CRELD1: variants seen among roughly 807,000 people sequenced by gnomAD.
CRELD1 encodes the protein protein disulfide isomerase CRELD1.
CRELD1 carries 42 observed loss-of-function variants against 58.2 expected under a neutral mutation model. The observed-to-expected ratio is 0.72, with a 90% CI of 0.56 to 0.93. The LOEUF (loss-of-function observed/expected upper bound fraction) is 0.93, where lower values mean the gene tolerates loss of function less well. Ranked by LOEUF, CRELD1 falls within the 40% of genes least tolerant of loss-of-function variation. The pLI is 0.00. For synonymous variants in CRELD1, 222 were observed against 202.0 expected, an observed-to-expected ratio of 1.10 and a Z score of -0.84; for missense variants, 500 against 540.6, an observed-to-expected ratio of 0.92 and a Z score of 0.74.
At chr3:9,938,135 G>C in intron 5 of CRELD1, 29 bp downstream of exon 5, 1 of 1,542,046 alleles carries the variant, frequency 6.5e-7, no homozygotes, top group Non-Finnish European at 8.9e-7. Context: ...CTTGGGGATG[G>C]GAGGGGACCA....
chr3:9,943,304 T>C, intron 9 of CRELD1, 77 bp from the exon 10 acceptor site: 1 of 1,604,550 alleles, frequency 6.2e-7, no homozygotes, highest in Non-Finnish European at 8.5e-7. Context: ...GAGGGGAGTG[T>C]TGAGAGATGG....
At chr3:9,940,705 G>GGGGAGA (rs1364895727) in intron 5 of CRELD1, 145 bp from the exon 6 acceptor site, 8 of 631,132 alleles carry the variant, frequency 1.3e-5, no homozygotes, top group Admixed American at 4.3e-5. Flanking sequence ...GGGAGGCCAT[G>GGGGAGA]GGGAGAGGGA....
rs2085250026 is a variant in CRELD1, at chr3:9,938,208, G to C, written c.460+102G>C. The C allele has an allele frequency of 3.3e-6, 3 of 896,678 alleles. No individual in the cohort carries two copies. In the Admixed American group the frequency reaches 5.8e-5, roughly 17 times the overall value. The allele number at this position is 896,678 out of a possible 1,614,324, so 55.5% of individuals were successfully genotyped here. A position where few individuals can be genotyped will look rare whatever the true frequency, so the allele number is the denominator to read the frequency against. On this transcript the variant is annotated intron_variant, in intron 5 of 10. Transcript: ENST00000452070. ...TCGCTGTGTGAACTCAGGCTACTCA[G>C]ATAAACTTCTCTGGACCTCAGTTCT...
Position 9,934,452 on chromosome 3 carries a change from C to G in CRELD1, c.14C>G (p.Pro5Arg). Residue 5 changes from proline (P) to arginine (R), a missense_variant, in exon 2 of 11, where the codon CCC becomes CGC. Coordinates refer to ENST00000452070, the MANE Select transcript of CRELD1 (RefSeq NM_001077415.3). MAPW[P>R]PKGLVPAMLW... ...GCCTGGGTAAAGATGGCCCCATGGCCCCCGAAGGGCCTAGTCCCAGCTATG... is the reference window on the plus strand; with the variant it reads ...GCCTGGGTAAAGATGGCCCCATGGCGCCCGAAGGGCCTAGTCCCAGCTATG... 1 of 1,613,878 alleles carries G rather than the reference C, an allele frequency of 6.2e-7. No individual in the cohort carries two copies. Among genetic ancestry groups the G allele is most frequent in the Non-Finnish European group, 8.5e-7 (1 of 1,179,900 alleles).
chr3:9,943,994 A>T, intron 10 of CRELD1: 2 of 998,322 alleles, frequency 2.0e-6, no homozygotes, highest in Non-Finnish European at 3.2e-6. Flanking sequence ...AAAAATGAAG[A>T]TGCAGAGAGA....
At chr3:9,934,146 C>G in intron 1 of CRELD1, 1 of 496,328 alleles carries the variant, frequency 2.0e-6, no homozygotes, top group South Asian at 2.2e-5. Flanking sequence ...TTTATCAGAC[C>G]CTCAGACAAG....
intron 8 of CRELD1, 30 bp from the exon 9 acceptor site, chr3:9,943,047 C>T (rs1187426432): frequency 2.5e-6 from 4 of 1,605,228 alleles, no homozygotes; most frequent in Non-Finnish European, 2.6e-6. Context: ...AGGTGCACAT[C>T]TCACCCTCAT....
rs757210114 is a variant in CRELD1 at position 9,940,942 on chromosome 3, G to C, written c.553G>C (p.Ala185Pro). 3.1e-6 allele frequency: 5 copies of C among 1,614,176 alleles called. No individual in the cohort carries two copies. The highest frequency in any genetic ancestry group is 4.2e-6 in the Non-Finnish European group (5 of 1,180,036). Residue 185 changes from alanine to proline, a missense_variant, in exon 6 of 11, where the codon GCC (alanine) becomes CCC (proline). Ala to Pro is a conservative substitution (Grantham distance 27). Coordinates refer to ENST00000452070, the MANE Select transcript of CRELD1 (RefSeq NM_001077415.3). ...RGGSGHCDCQ[A>P]GYGGEACGQC... Reference sequence around the variant, plus strand: ...GGGCAGCGGGCACTGTGACTGCCAAGCCGGCTACGGGGGTGAGGCCTGTGG... The same window carrying C: ...GGGCAGCGGGCACTGTGACTGCCAACCCGGCTACGGGGGTGAGGCCTGTGG...
At chr3:9,943,260 G>A (rs773044321) in intron 9 of CRELD1, 88 bp downstream of exon 9, 993 of 1,592,462 alleles carry the variant, frequency 6.2e-4, no homozygotes, top group Non-Finnish European at 8.4e-4. Context: ...GCAGGTGGGG[G>A]AAGGAAGGGT....
Position 9,940,942 on chromosome 3 carries a change from G to T in CRELD1, c.553G>T (p.Ala185Ser). 1 of 1,614,176 alleles carries T rather than the reference G, an allele frequency of 6.2e-7. No individual in the cohort carries two copies. The highest frequency in any genetic ancestry group is 8.5e-7 in the Non-Finnish European group (1 of 1,180,036). The change falls in exon 6 of 11, where the codon GCC (alanine) becomes TCC (serine). Residue 185 changes from alanine to serine, a missense_variant. By Grantham distance (99) the Ala-to-Ser change is moderately conservative. Transcript: ENST00000452070. ...RGGSGHCDCQ[A>S]GYGGEACGQC... is the part of the protein sequence containing the mutation. ...GGGCAGCGGGCACTGTGACTGCCAA[G>T]CCGGCTACGGGGGTGAGGCCTGTGG... is the stretch of plus-strand genomic sequence containing the variant.
chr3:9,941,235 A>G lies in CRELD1; in HGVS notation c.733+29A>G, dbSNP rs556597395. On this transcript the variant is annotated intron_variant, in intron 7 of 10. Coordinates refer to ENST00000452070, the MANE Select transcript of CRELD1 (RefSeq NM_001077415.3). ...AGTGGGGCCCTAGCTAGGTCTGGGAAGATGGTCAGGGGCCTGGGCTTGGTC... is the reference window on the plus strand; with the variant it reads ...AGTGGGGCCCTAGCTAGGTCTGGGAGGATGGTCAGGGGCCTGGGCTTGGTC... 8.8e-5 allele frequency: 141 copies of G among 1,595,348 alleles called. 2 individuals are homozygous for G. In the South Asian group the frequency reaches 1.1e-3, roughly 12 times the overall value.
chr3:9,935,502 A>G (rs545415495), intron 3 of CRELD1, among the ~76,000 whole-genome samples: 41 of 152,300 alleles, frequency 2.7e-4, no homozygotes, highest in African/African-American at 9.6e-4. Context: ...ACGGATTGTA[A>G]GGGGCAAGGG....
intron 7 of CRELD1, 23 bp downstream of exon 7, chr3:9,941,229 C>G: frequency 6.2e-7 from 1 of 1,601,310 alleles, no homozygotes; most frequent in South Asian, 1.1e-5. Context: ...CTAGCTAGGT[C>G]TGGGAAGATG....
chr3:9,943,670 T>A (rs2085434723), intron 10 of CRELD1, 155 bp downstream of exon 10: 1 of 985,214 alleles, frequency 1.0e-6, no homozygotes, highest in Non-Finnish European at 1.2e-6. Flanking sequence ...ACATCTGATC[T>A]CCAGGTTGGC....
Position 9,933,879 on chromosome 3 carries a change from G to C in CRELD1, c.-61G>C, listed in dbSNP as rs1332342672. ...TGAGGAGACGGCCCACGGCGCCCGCGGGCTGGGGCGGTCGCTTCTTCCTTC... is the reference window on the plus strand; with the variant it reads ...TGAGGAGACGGCCCACGGCGCCCGCCGGCTGGGGCGGTCGCTTCTTCCTTC... On this transcript the variant is annotated 5_prime_UTR_variant, in exon 1 of 11. Transcript: ENST00000452070. The C allele has an allele frequency of 4.2e-6, 2 of 474,898 alleles. No homozygotes were observed. Among genetic ancestry groups the C allele is most frequent in the Middle Eastern group, 5.7e-4 (1 of 1,760 alleles). The allele number at this position is 474,898 out of a possible 1,614,324, so 29.4% of individuals were successfully genotyped here. A position where few individuals can be genotyped will look rare whatever the true frequency, so the allele number is the denominator to read the frequency against.
chr3:9,940,698 AGGCC>A, intron 5 of CRELD1, 148 bp from the exon 6 acceptor site: 1 of 525,930 alleles, frequency 1.9e-6, no homozygotes, highest in South Asian at 1.9e-5. Flanking sequence ...AGGGAGAGGG[AGGCC>A]ATGGGGAGAG....
chr3:9,943,342 G>C (rs2085422424), intron 9 of CRELD1, 39 bp from the exon 10 acceptor site: 1 of 1,613,738 alleles, frequency 6.2e-7, no homozygotes, highest in Admixed American at 1.7e-5. Context: ...TGCTGGGTGG[G>C]GGGCCCTAGC....
At position 9,934,329 on chromosome 3, in the gene CRELD1, C is replaced by T. The variant is rs768644308; in HGVS notation, c.-19-91C>T. 3 of 1,038,816 alleles carry T rather than the reference C, an allele frequency of 2.9e-6. No individual in the cohort carries two copies. The African/African-American group carries it at 4.7e-5, about 16-fold the overall frequency. 64.3% of individuals were successfully genotyped at this position (1,038,816 alleles called of 1,614,324 possible). ...TCTTTTGCTTGTAATAACGCAGATC[C>T]CAGCGCCACGGCACCTTAGAACAGA... On this transcript the variant is annotated intron_variant, in intron 1 of 10. Transcript: ENST00000452070.
intron 3 of CRELD1, among the ~76,000 whole-genome samples, chr3:9,936,741 C>T (rs2085208704): frequency 6.6e-6 from 1 of 152,068 alleles, no homozygotes; most frequent in South Asian, 2.1e-4. Flanking sequence ...TCCCTCGGCT[C>T]TTGGCAATCA....
Sources: gnomAD v4.1 joint callset for allele counts (sites outside exome capture counted in the v4.1 genomes callset) on GRCh38, gnomAD v4.1.1 for gene constraint, MANE v1.5 for transcripts, NCBI Gene and HGNC (gene_info 2026-07-23, HGNC 2026-07-21) for gene names.